PLA2G6: variants seen among roughly 807,000 people sequenced by gnomAD.
PLA2G6 encodes the protein 85/88 kDa calcium-independent phospholipase A2.
Under a neutral mutation model 83.8 loss-of-function variants are expected in PLA2G6, and 62 were observed. The ratio of observed to expected loss-of-function variants is 0.74; its 90% confidence interval spans 0.60 to 0.91. The LOEUF is 0.91. PLA2G6 is among the 40% of genes least tolerant of loss of function. The pLI, the probability that PLA2G6 is intolerant of heterozygous loss-of-function variation, is 0.00. For missense variants in PLA2G6, 944 were observed against 1,102.0 expected (o/e 0.86, Z 2.03); for synonymous variants, 417 against 449.8 (o/e 0.93, Z 0.92).
chr22:38,138,563 C>T (rs1258622986), intron 5 of PLA2G6: 3 of 152,368 alleles, frequency 2.0e-5, no homozygotes, highest in East Asian at 1.9e-4. Context: ...GGGGTGTCTC[C>T]TGTCCTGGAG....
intron 3 of PLA2G6, 182 bp from the exon 4 acceptor site, chr22:38,143,470 C>T: frequency 1.4e-6 from 1 of 690,998 alleles, no homozygotes; most frequent in African/African-American, 1.7e-5. Flanking sequence ...TCTGATGTGA[C>T]CTGTATCAGG....
At chr22:38,151,137 AC>A (rs1357423113) in intron 2 of PLA2G6, among the ~76,000 whole-genome samples, 2 of 152,110 alleles carry the variant, frequency 1.3e-5, no homozygotes, top group African/African-American at 4.8e-5. Flanking sequence ...CAAAAACAAA[AC>A]CTTCAAGAAT....
rs2145979660 is a variant in PLA2G6 at position 38,180,099 on chromosome 22, T to C, written c.-46+1565A>G. Among the ~76,000 whole-genome samples, 4 of 151,040 alleles carry C rather than the reference T, an allele frequency of 2.6e-5. No homozygotes were observed. In the Middle Eastern group the frequency reaches 0.014, roughly 517 times the overall value. Reference sequence around the variant, plus strand: ...TCACTACGGCCCCTTACTCCTTGCCTACCTACTTCCCCCAGCACACACACC... The same window carrying C: ...TCACTACGGCCCCTTACTCCTTGCCCACCTACTTCCCCCAGCACACACACC... On this transcript the variant is annotated intron_variant, in intron 1 of 16. Transcript: ENST00000332509.
intron 1 of PLA2G6, among the ~76,000 whole-genome samples, chr22:38,174,931 C>T (rs1256975972): frequency 1.3e-5 from 2 of 152,124 alleles, no homozygotes; most frequent in African/African-American, 2.4e-5. Context: ...GGAAGAAGTG[C>T]AGTAGAGGAC....
intron 14 of PLA2G6, among the ~76,000 whole-genome samples, chr22:38,115,047 C>A (rs1277776766): frequency 1.3e-5 from 2 of 152,242 alleles, no homozygotes; most frequent in Admixed American, 1.3e-4. Context: ...TCCTCCAGAT[C>A]ACTGATTCTG....
At chr22:38,163,826 G>A (rs1237310751) in intron 2 of PLA2G6, among the ~76,000 whole-genome samples, 1 of 152,118 alleles carries the variant, frequency 6.6e-6, no homozygotes, top group Non-Finnish European at 1.5e-5. Flanking sequence ...AAGATGGGAT[G>A]TGGGAGGACT....
chr22:38,116,043 C>A (rs774237563), intron 13 of PLA2G6, 32 bp downstream of exon 13: 2 of 1,611,816 alleles, frequency 1.2e-6, no homozygotes, highest in African/African-American at 2.7e-5. Flanking sequence ...GGGCCAGTCG[C>A]TTCCCATGGA....
At chr22:38,113,232 A>T (rs1323205487) in intron 15 of PLA2G6, among the ~76,000 whole-genome samples, 1 of 152,154 alleles carries the variant, frequency 6.6e-6, no homozygotes, top group Non-Finnish European at 1.5e-5. Context: ...CTGGGCTTCT[A>T]CACTGCGCTA....
intron 10 of PLA2G6, among the ~76,000 whole-genome samples, chr22:38,125,880 G>A (rs2087823462): frequency 6.6e-6 from 1 of 152,230 alleles, no homozygotes; most frequent in Non-Finnish European, 1.5e-5. Flanking sequence ...TATGCCTGAA[G>A]GGCAAGGCCT....
chr22:38,178,623 G>C (rs992501259), intron 1 of PLA2G6, among the ~76,000 whole-genome samples: 4 of 152,048 alleles, frequency 2.6e-5, no homozygotes, highest in Admixed American at 2.6e-4. Context: ...CCAGAACTTT[G>C]GGAGGCCGAG....
chr22:38,150,946 G>A (rs1488407873), intron 2 of PLA2G6, among the ~76,000 whole-genome samples: 7 of 152,142 alleles, frequency 4.6e-5, no homozygotes, highest in African/African-American at 1.4e-4. Flanking sequence ...AATTAGTCAG[G>A]TGTAGTGGTG....
intron 4 of PLA2G6, chr22:38,141,750 T>C (rs576689523): frequency 2.6e-5 from 4 of 151,980 alleles, no homozygotes; most frequent in East Asian, 2.0e-4. Flanking sequence ...CAGTCGTGCA[T>C]GACTATCGAG....
At chr22:38,145,784 AACAC>A (rs132936) in intron 2 of PLA2G6, 131 bp from the exon 3 acceptor site, 31,784 of 479,434 alleles carry the variant, frequency 0.066, 134 homozygotes, top group East Asian at 0.15. Flanking sequence ...CTCCCAAGCA[AACAC>A]ACACACACAC....
chr22:38,159,015 A>G lies in PLA2G6; in HGVS notation c.209+10203T>C, dbSNP rs1399100427. On this transcript the variant is annotated intron_variant, in intron 2 of 16. Coordinates refer to ENST00000332509, the MANE Select transcript of PLA2G6 (RefSeq NM_003560.4). ...GGAGTTCGAGACCAGCCTGGCCAATATGGTGAAACCCCACCTCTACTAAAA... is the reference window on the plus strand; with the variant it reads ...GGAGTTCGAGACCAGCCTGGCCAATGTGGTGAAACCCCACCTCTACTAAAA... 3.4e-5 allele frequency among the ~76,000 whole-genome samples: 5 copies of G among 148,974 alleles called. No homozygotes were observed. The East Asian group carries it at 9.8e-4, about 29-fold the overall frequency.
At chr22:38,116,851 C>CAAAAAAAAAAAAAAAAAAAAAAAAAAAAA (rs57712042) in intron 12 of PLA2G6, among the ~76,000 whole-genome samples, 4 of 37,646 alleles carry the variant, frequency 1.1e-4, no homozygotes, top group African/African-American at 1.7e-4. Flanking sequence ...AACTCCGTCT[C>CAAAAAAAAAAAAAAAAAAAAAAAAAAAAA]AAAAAAAAAA....
chr22:38,124,134 C>A (rs1468315595), intron 10 of PLA2G6, among the ~76,000 whole-genome samples: 1 of 151,972 alleles, frequency 6.6e-6, no homozygotes, highest in Non-Finnish European at 1.5e-5. Flanking sequence ...CGTGCCCAGC[C>A]TTATTTATTT....
At chr22:38,181,130 C>A (rs916328697) in intron 1 of PLA2G6, among the ~76,000 whole-genome samples, 1 of 152,252 alleles carries the variant, frequency 6.6e-6, no homozygotes. Context: ...TGCTCCCTGT[C>A]ACCAGCTTCC....
chr22:38,112,509 G>A lies in PLA2G6; in HGVS notation c.2271C>T (p.Tyr757=). 6.4e-7 allele frequency: 1 copy of A among 1,555,174 alleles called. No homozygotes were observed. Among genetic ancestry groups the A allele is most frequent in the Non-Finnish European group, 8.7e-7 (1 of 1,150,502 alleles). The part of the protein sequence containing the change: ...RAWCEMVGIQ[Y]FRLNPQLGTD... ...TGGGGCGGCTGAGCCCTCACCTGAA[G>A]TACTGGATGCCGACCATCTCGCACC... The change falls in exon 16 of 17, where the codon TAC becomes TAT. Residue 757 remains tyrosine (Y), a synonymous_variant. Coordinates refer to ENST00000332509, the MANE Select transcript of PLA2G6 (RefSeq NM_003560.4).
At chr22:38,148,624 C>T (rs1212688387) in intron 2 of PLA2G6, 6 of 709,830 alleles carry the variant, frequency 8.5e-6, no homozygotes, top group Non-Finnish European at 1.6e-5. Context: ...GCCCAGGCGT[C>T]TGCCAAGAGG....
Sources: gnomAD v4.1 joint callset for allele counts (sites outside exome capture counted in the v4.1 genomes callset) on GRCh38, gnomAD v4.1.1 for gene constraint, MANE v1.5 for transcripts, NCBI Gene and HGNC (gene_info 2026-07-23, HGNC 2026-07-21) for gene names.